CNTNAP5: variants seen among roughly 807,000 people sequenced by gnomAD.
CNTNAP5 encodes contactin associated protein family member 5.
CNTNAP5 carries 72 observed loss-of-function variants against 150.2 expected under a neutral mutation model. The ratio of observed to expected loss-of-function variants is 0.48; its 90% confidence interval spans 0.40 to 0.58. The LOEUF (loss-of-function observed/expected upper bound fraction) is 0.58. CNTNAP5 is among the 20% of genes least tolerant of loss of function. The pLI is 0.00. For synonymous variants in CNTNAP5, 672 were observed against 619.8 expected (o/e 1.08, Z -1.25); for missense variants, 1,636 against 1,626.2 (o/e 1.01, Z -0.10).
At chr2:124,075,434 T>C (rs1682415114) in intron 1 of CNTNAP5, among the ~76,000 whole-genome samples, 2 of 152,170 alleles carry the variant, frequency 1.3e-5, no homozygotes, top group South Asian at 4.1e-4. Flanking sequence ...TTTGTCACAA[T>C]CACTTTTCTC....
rs949012370 is a variant in CNTNAP5, at chr2:124,609,709, CAT to C, written c.1757-90_1757-89del. ...ATATAGAAGGAGGGAAATGAATACA[CAT>C]AGAGCAAATCTAAGTAGGAGTTACT... On this transcript the variant is annotated intron_variant, in intron 11 of 23. Coordinates refer to ENST00000682447, the MANE Select transcript of CNTNAP5 (RefSeq NM_001367498.1). 20 of 1,411,984 alleles carry C rather than the reference CAT, an allele frequency of 1.4e-5. No individual in the cohort carries two copies. The African/African-American group carries it at 2.0e-4, about 14-fold the overall frequency. 87.5% of individuals were successfully genotyped at this position (1,411,984 alleles called of 1,614,324 possible). A position where few individuals can be genotyped will look rare whatever the true frequency, so the allele number is the denominator to read the frequency against.
intron 21 of CNTNAP5, among the ~76,000 whole-genome samples, chr2:124,888,493 T>A (rs990337292): frequency 1.3e-5 from 2 of 152,086 alleles, no homozygotes; most frequent in African/African-American, 4.8e-5. Context: ...TGAATGGTAG[T>A]TCTGTTTTAA....
At chr2:124,469,382 G>A (rs192254309) in intron 6 of CNTNAP5, among the ~76,000 whole-genome samples, 10 of 151,884 alleles carry the variant, frequency 6.6e-5, no homozygotes, top group Non-Finnish European at 1.3e-4. Context: ...ATAACTGAGC[G>A]AAGTAGAGCA....
chr2:124,307,283 C>T (rs1688717107), intron 3 of CNTNAP5, among the ~76,000 whole-genome samples: 1 of 152,122 alleles, frequency 6.6e-6, no homozygotes, highest in Admixed American at 6.5e-5. Context: ...GTCTCTTCCT[C>T]TTTCATAAGG....
At chr2:124,735,669 G>T (rs1011774213) in intron 13 of CNTNAP5, among the ~76,000 whole-genome samples, 1 of 152,092 alleles carries the variant, frequency 6.6e-6, no homozygotes, top group East Asian at 1.9e-4. Flanking sequence ...ATAGGACCAG[G>T]TTTCACATAA....
At chr2:124,570,347 A>G (rs535515779) in intron 11 of CNTNAP5, among the ~76,000 whole-genome samples, 9 of 152,290 alleles carry the variant, frequency 5.9e-5, no homozygotes, top group Non-Finnish European at 1.0e-4. Context: ...ACGGCCTTGC[A>G]GGAAGAGTGA....
chr2:124,805,325 A>G (rs907611367), intron 19 of CNTNAP5, among the ~76,000 whole-genome samples: 11 of 152,188 alleles, frequency 7.2e-5, no homozygotes, highest in Admixed American at 5.2e-4. Context: ...GTGTGTGTGT[A>G]TATAGAGAGA....
At chr2:124,883,122 G>T (rs1398152515) in intron 21 of CNTNAP5, among the ~76,000 whole-genome samples, 1 of 149,456 alleles carries the variant, frequency 6.7e-6, no homozygotes, top group Non-Finnish European at 1.5e-5. Context: ...AGACTAGAGT[G>T]CAGTGGCATG....
At chr2:124,546,615 T>C (rs529473299) in intron 10 of CNTNAP5, among the ~76,000 whole-genome samples, 1 of 152,292 alleles carries the variant, frequency 6.6e-6, no homozygotes, top group Admixed American at 6.5e-5. Context: ...AGGTAGTTGG[T>C]AGTGTAGACA....
chr2:124,644,523 A>C (rs1413439732), intron 12 of CNTNAP5, among the ~76,000 whole-genome samples: 2 of 152,256 alleles, frequency 1.3e-5, no homozygotes, highest in Non-Finnish European at 2.9e-5. Context: ...GGAAATCAAT[A>C]AATGAATGTA....
chr2:124,443,812 CCGTG>C (rs1692735026), intron 5 of CNTNAP5, among the ~76,000 whole-genome samples: 2 of 77,946 alleles, frequency 2.6e-5, no homozygotes, highest in Admixed American at 1.6e-4. Flanking sequence ...TAATTCCTTG[CCGTG>C]TGTGTGTGTG....
chr2:124,877,200 C>T (rs1677877115), intron 21 of CNTNAP5, among the ~76,000 whole-genome samples: 2 of 152,072 alleles, frequency 1.3e-5, no homozygotes, highest in South Asian at 4.1e-4. Context: ...TGCCAGCGTG[C>T]TCCATGCTCT....
intron 1 of CNTNAP5, among the ~76,000 whole-genome samples, chr2:124,076,934 G>A (rs1421019889): frequency 6.6e-6 from 1 of 152,074 alleles, no homozygotes; most frequent in Admixed American, 6.6e-5. Context: ...TGCCATCTCT[G>A]TGACTTAGGG....
intron 3 of CNTNAP5, among the ~76,000 whole-genome samples, chr2:124,325,581 T>C (rs901151833): frequency 6.6e-6 from 1 of 152,174 alleles, no homozygotes; most frequent in Non-Finnish European, 1.5e-5. Context: ...AAGGCATTCA[T>C]CTTGGGGTAA....
rs187991798 is a variant in CNTNAP5 at position 124,869,749 on chromosome 2, G to A, written c.3423G>A (p.Leu1141=). Residue 1141 remains leucine, a synonymous_variant, in exon 21 of 24, where the codon TTG becomes TTA. Transcript: ENST00000682447. ...TCAGGGTTATAAGGTCACTCACCTT[G>A]GGCAAAGTCACAGGTATGTTGTTCT... ...VEFRVIRSLT[L]GKVTENLGLD... is the part of the protein sequence containing the mutation. 4.6e-4 allele frequency: 738 copies of A among 1,604,502 alleles called. No homozygotes were observed. The highest frequency in any genetic ancestry group is 5.6e-4 in the Non-Finnish European group (662 of 1,171,942).
intron 3 of CNTNAP5, among the ~76,000 whole-genome samples, chr2:124,389,666 AAAT>A (rs759846520): frequency 2.6e-4 from 40 of 152,204 alleles, no homozygotes; most frequent in Non-Finnish European, 4.7e-4. Context: ...CCTTTTTAAA[AAAT>A]AATAATAATA....
In CNTNAP5 at chr2:124,194,016, T is replaced by C. The variant is rs1685517339; in HGVS notation, c.83-27689T>C. 2.0e-5 allele frequency among the ~76,000 whole-genome samples: 3 copies of C among 152,104 alleles called. No individual in the cohort carries two copies. The South Asian group carries it at 6.2e-4, about 32-fold the overall frequency. ...ATAAGTGACCTAATCAACCTTAGCT[T>C]GCATCTTTCTTGCGATAGCTTTGTG... On this transcript the variant is annotated intron_variant, in intron 1 of 23. Transcript: ENST00000682447.
intron 2 of CNTNAP5, among the ~76,000 whole-genome samples, chr2:124,226,679 T>A (rs1370603537): frequency 6.6e-6 from 1 of 152,148 alleles, no homozygotes; most frequent in African/African-American, 2.4e-5. Context: ...CAGTTTCTTA[T>A]ACAAGAATAG....
intron 11 of CNTNAP5, among the ~76,000 whole-genome samples, chr2:124,566,365 A>G (rs904058918): frequency 3.9e-5 from 6 of 152,182 alleles, no homozygotes; most frequent in Non-Finnish European, 5.9e-5. Flanking sequence ...GTTCATCTCT[A>G]TGGATACTGT....
Sources: allele counts gnomAD v4.1 joint callset (sites outside exome capture counted in the v4.1 genomes callset), GRCh38; gene constraint gnomAD v4.1.1; transcripts MANE v1.5; gene names NCBI Gene and HGNC (gene_info 2026-07-23, HGNC 2026-07-21).